LINGO2: variants seen among roughly 807,000 people sequenced by gnomAD.
LINGO2 encodes the protein leucine-rich repeat and immunoglobulin-like domain-containing nogo receptor-interacting protein 2.
A neutral mutation model predicts 30.6 loss-of-function variants in LINGO2; 14 were observed. The observed-to-expected ratio is 0.46, with a 90% CI of 0.30 to 0.72. The LOEUF (loss-of-function observed/expected upper bound fraction) is 0.72. Ranked by LOEUF, LINGO2 falls within the 30% of genes least tolerant of loss-of-function variation. The pLI is 0.07. For synonymous variants in LINGO2, 317 were observed against 288.5 expected, an observed-to-expected ratio of 1.10 and a Z score of -1.00; for missense variants, 729 against 751.7, an observed-to-expected ratio of 0.97 and a Z score of 0.35.
chr9:28,532,799 A>G (rs765306547), intron 1 of LINGO2, among the ~76,000 whole-genome samples: 4 of 151,986 alleles, frequency 2.6e-5, no homozygotes, highest in Non-Finnish European at 5.9e-5. Context: ...TTCTGACTAC[A>G]AGTATCTCTA....
the LINGO2 span, among the ~76,000 whole-genome samples, chr9:28,845,824 T>G: frequency 6.6e-6 from 1 of 151,896 alleles, no homozygotes; most frequent in South Asian, 2.1e-4. Flanking sequence ...TTATTAATAC[T>G]GAAAACAATA....
the LINGO2 span, among the ~76,000 whole-genome samples, chr9:28,735,520 A>T: frequency 4.6e-3 from 699 of 152,282 alleles, 3 homozygotes; most frequent in Non-Finnish European, 7.4e-3. Context: ...GGCTTCTATT[A>T]TGGCTCAAAT....
Position 28,164,802 on chromosome 9 carries a change from A to T in LINGO2, c.-87+130406T>A, listed in dbSNP as rs2133617405. The stretch of plus-strand genomic sequence containing the variant: ...GGTTGGTTCCAGCCCCCATTCTTGA[A>T]CTGCTCCCTTAGCCCCCTTGCACTT... On this transcript the variant is annotated intron_variant, in intron 4 of 5. Transcript: ENST00000379992. Among the ~76,000 whole-genome samples, 3 of 152,140 alleles carry T rather than the reference A, an allele frequency of 2.0e-5. No individual in the cohort carries two copies. The Middle Eastern group carries it at 0.01, about 517-fold the overall frequency.
intron 2 of LINGO2, among the ~76,000 whole-genome samples, chr9:28,405,381 T>C (rs1197634406): frequency 6.6e-6 from 1 of 152,162 alleles, no homozygotes; most frequent in East Asian, 1.9e-4. Context: ...ACTCTAAAAC[T>C]GTGTCTTCAT....
intron 4 of LINGO2, among the ~76,000 whole-genome samples, chr9:28,105,694 C>T (rs1826566960): frequency 6.6e-6 from 1 of 151,984 alleles, no homozygotes; most frequent in Non-Finnish European, 1.5e-5. Context: ...GCATTGGTCA[C>T]TTTATAACAA....
At chr9:28,075,772 G>T (rs1420150917) in intron 4 of LINGO2, among the ~76,000 whole-genome samples, 1 of 151,680 alleles carries the variant, frequency 6.6e-6, no homozygotes, top group Non-Finnish European at 1.5e-5. Context: ...TAATTGATTT[G>T]AAGAAATTCT....
intron 4 of LINGO2, among the ~76,000 whole-genome samples, chr9:28,047,139 T>C (rs1437570999): frequency 6.6e-6 from 1 of 152,168 alleles, no homozygotes; most frequent in African/African-American, 2.4e-5. Context: ...GACTCCACTA[T>C]GAAGGCTAGA....
the LINGO2 span, among the ~76,000 whole-genome samples, chr9:28,941,837 A>AT: frequency 6.6e-6 from 1 of 152,224 alleles, no homozygotes; most frequent in Non-Finnish European, 1.5e-5. Flanking sequence ...ATCAGAGGAA[A>AT]TCCAAAAGAA....
chr9:28,634,300 A>C (rs1431372875), intron 1 of LINGO2, among the ~76,000 whole-genome samples: 1 of 152,034 alleles, frequency 6.6e-6, no homozygotes, highest in African/African-American at 2.4e-5. Flanking sequence ...TAACTATCTA[A>C]TGAGCATTTA....
chr9:28,459,990 A>G (rs767779190), intron 2 of LINGO2, among the ~76,000 whole-genome samples: 12 of 152,178 alleles, frequency 7.9e-5, no homozygotes, highest in Admixed American at 6.5e-5. Flanking sequence ...TTTTTCATAA[A>G]CTGAATAAAT....
intron 1 of LINGO2, among the ~76,000 whole-genome samples, chr9:28,607,777 T>G (rs775111971): frequency 6.6e-6 from 1 of 152,070 alleles, no homozygotes; most frequent in Admixed American, 6.6e-5. Context: ...CAATTCCTTA[T>G]AGCAATCACT....
At chr9:28,975,465 T>C in the LINGO2 span, among the ~76,000 whole-genome samples, 1 of 152,204 alleles carries the variant, frequency 6.6e-6, no homozygotes, top group Non-Finnish European at 1.5e-5. Context: ...GGCCTTAAAA[T>C]TTCTGCTATA....
the LINGO2 span, among the ~76,000 whole-genome samples, chr9:28,715,271 T>C: frequency 2.0e-4 from 30 of 152,238 alleles, no homozygotes; most frequent in Admixed American, 7.9e-4. Flanking sequence ...CTGTGTAGAC[T>C]GTAAAATGCA....
chr9:28,869,289 T>G, the LINGO2 span, among the ~76,000 whole-genome samples: 1 of 151,998 alleles, frequency 6.6e-6, no homozygotes, highest in African/African-American at 2.4e-5. Context: ...AGTACAGCCA[T>G]AACTGTAATG....
chr9:28,172,218 C>T (rs931139383), intron 4 of LINGO2, among the ~76,000 whole-genome samples: 11 of 148,812 alleles, frequency 7.4e-5, no homozygotes, highest in African/African-American at 2.2e-4. Flanking sequence ...GGTGAAACCC[C>T]GTCTCTACTA....
intron 5 of LINGO2, among the ~76,000 whole-genome samples, chr9:27,993,820 A>G (rs1821518414): frequency 6.6e-6 from 1 of 152,132 alleles, no homozygotes; most frequent in Non-Finnish European, 1.5e-5. Context: ...AAACCGACAC[A>G]GAACATTTTA....
intron 1 of LINGO2, among the ~76,000 whole-genome samples, chr9:28,607,357 G>C (rs572627775): frequency 2.0e-5 from 3 of 152,082 alleles, no homozygotes; most frequent in South Asian, 4.1e-4. Flanking sequence ...GTTTTATCAT[G>C]TTGGAATATA....
At chr9:28,459,591 A>C (rs1824992427) in intron 2 of LINGO2, among the ~76,000 whole-genome samples, 3 of 152,050 alleles carry the variant, frequency 2.0e-5, no homozygotes, top group Non-Finnish European at 4.4e-5. Flanking sequence ...ATTAATATGG[A>C]TCTAGGGTCC....
the LINGO2 span, among the ~76,000 whole-genome samples, chr9:28,683,383 C>G: frequency 1.3e-5 from 2 of 152,004 alleles, no homozygotes; most frequent in Non-Finnish European, 2.9e-5. Context: ...CAAAACCTGT[C>G]TGGTTTTGCA....
Sources: gnomAD v4.1 joint callset for allele counts (sites outside exome capture counted in the v4.1 genomes callset) on GRCh38, gnomAD v4.1.1 for gene constraint, MANE v1.5 for transcripts, NCBI Gene and HGNC (gene_info 2026-07-23, HGNC 2026-07-21) for gene names.